Variants in NLRP2 observed in about 807,000 individuals in gnomAD.
NLRP2 encodes the protein NACHT, LRR and PYD domains-containing protein 2.
In NLRP2, 107 loss-of-function variants were observed where a neutral mutation model predicts 97.2. The observed-to-expected ratio is 1.10, with a 90% confidence interval of 0.94 to 1.29. The LOEUF (loss-of-function observed/expected upper bound fraction) is 1.29, where lower values mean the gene tolerates loss of function less well. Ranked by LOEUF, NLRP2 falls within the 50% of genes most tolerant of loss-of-function variation. The pLI, the probability that NLRP2 is intolerant of heterozygous loss-of-function variation, is 0.00. For synonymous variants in NLRP2, 663 were observed against 551.5 expected, an observed-to-expected ratio of 1.20 and a Z score of -2.83; for missense variants, 1,495 against 1,330.3, an observed-to-expected ratio of 1.12 and a Z score of -1.93.
rs564394457 is a variant in NLRP2, at chr19:54,982,587, C to G, written c.889C>G (p.Pro297Ala). 3.7e-6 allele frequency: 6 copies of G among 1,614,168 alleles called. No homozygotes were observed. Among genetic ancestry groups the G allele is most frequent in the Non-Finnish European group, 5.1e-6 (6 of 1,180,034 alleles). The change falls in exon 6 of 13, where the codon CCT (proline) becomes GCT (alanine). Residue 297 changes from proline (P) to alanine (A), a missense_variant. Pro to Ala is a conservative substitution (Grantham distance 27). Coordinates refer to ENST00000448584, the MANE Select transcript of NLRP2 (RefSeq NM_017852.5). The part of the protein sequence containing the change: ...IDGFDELGAA[P>A]GALIEDICGD... The stretch of plus-strand genomic sequence containing the variant: ...CGGCTTTGATGAGCTGGGAGCCGCA[C>G]CTGGGGCGCTGATCGAGGACATCTG...
intron 8 of NLRP2, 32 bp downstream of exon 8, chr19:54,986,347 A>C (rs754451026): frequency 1.0e-5 from 16 of 1,594,852 alleles, no homozygotes; most frequent in Non-Finnish European, 1.4e-5. Flanking sequence ...ATCCTTCATC[A>C]TACAAACATA....
intron 1 of NLRP2, 138 bp from the exon 2 acceptor site, chr19:54,969,861 T>TTGGGAA: frequency 2.4e-6 from 2 of 827,120 alleles, no homozygotes; most frequent in Non-Finnish European, 4.0e-6. Context: ...CTCACTATGT[T>TTGGGAA]GCCCAGGCTG....
intron 7 of NLRP2, among the ~76,000 whole-genome samples, chr19:54,985,677 C>CA (rs113852885): frequency 0.14 from 9,656 of 66,918 alleles, 656 homozygotes; most frequent in African/African-American, 0.17. Context: ...GACTGCGTCT[C>CA]AAAAAAAAAA....
At chr19:54,986,638 T>C (rs1331149696) in intron 8 of NLRP2, among the ~76,000 whole-genome samples, 1 of 151,878 alleles carries the variant, frequency 6.6e-6, no homozygotes, top group Non-Finnish European at 1.5e-5. Context: ...GCAACCTCTG[T>C]CTCCTGGGTT....
intron 12 of NLRP2, among the ~76,000 whole-genome samples, chr19:55,000,054 A>G (rs1288436624): frequency 6.6e-6 from 1 of 152,048 alleles, no homozygotes; most frequent in Non-Finnish European, 1.5e-5. Context: ...ATATTTAAAA[A>G]TAAAAAATAA....
intron 6 of NLRP2, among the ~76,000 whole-genome samples, chr19:54,983,976 G>A (rs1054822956): frequency 4.6e-5 from 7 of 152,114 alleles, no homozygotes; most frequent in Non-Finnish European, 1.0e-4. Context: ...TCAGCCTCCT[G>A]AGTAGCTGGG....
chr19:54,996,160 T>G (rs1481877947), intron 11 of NLRP2, among the ~76,000 whole-genome samples: 1 of 151,872 alleles, frequency 6.6e-6, no homozygotes, highest in East Asian at 1.9e-4. Context: ...TGAGCCAAGA[T>G]GGCGTTACCA....
chr19:54,998,949 G>A (rs1447658577), intron 12 of NLRP2, among the ~76,000 whole-genome samples: 1 of 151,824 alleles, frequency 6.6e-6, no homozygotes, highest in African/African-American at 2.4e-5. Context: ...GGGGTTGGGG[G>A]TAAGGTCACA....
intron 6 of NLRP2, among the ~76,000 whole-genome samples, chr19:54,984,485 C>CTTTTTTTTT (rs36061621): frequency 0.089 from 6,765 of 76,292 alleles, 1,307 homozygotes; most frequent in African/African-American, 0.2. Context: ...TATTCCCAAT[C>CTTTTTTTTT]TTTTTTTTTT....
At position 54,990,523 on chromosome 19, in the gene NLRP2, AG is replaced by A; in HGVS notation, c.2560del (p.Glu854LysfsTer17). ...RLSLENCHLT[E>X]ANCKDLAAVL... ...GTAGGTTGGAAAACTGTCACCTTAC[AG>A]AAGCCAATTGCAAGGACCTTGCTGC... On this transcript the variant is annotated frameshift_variant, in exon 10 of 13. Transcript: ENST00000448584. LOFTEE classifies it high-confidence loss of function. The A allele has an allele frequency of 6.2e-7, 1 of 1,614,208 alleles. No homozygotes were observed. The highest frequency in any genetic ancestry group is 2.2e-5 in the East Asian group (1 of 44,876).
Position 54,982,361 on chromosome 19 carries a change from G to A in NLRP2, c.663G>A (p.Thr221=), listed in dbSNP as rs1304707133. The A allele has an allele frequency of 6.2e-6, 10 of 1,614,086 alleles. No homozygotes were observed. The Middle Eastern group carries it at 8.3e-4, about 133-fold the overall frequency. Residue 221 remains threonine, a synonymous_variant, in exon 6 of 13, where the codon ACG becomes ACA. Coordinates refer to ENST00000448584, the MANE Select transcript of NLRP2 (RefSeq NM_017852.5). ...LYGPAGLGKT[T]LAQKLMLDWA... is the part of the protein sequence containing the mutation. ...GTCCTGCAGGCCTTGGGAAAACCAC[G>A]CTGGCCCAGAAACTAATGCTAGACT...
intron 8 of NLRP2, chr19:54,989,463 A>G (rs1200112665): frequency 1.1e-5 from 2 of 175,624 alleles, no homozygotes; most frequent in Non-Finnish European, 1.2e-5. Flanking sequence ...CAGAGCATAA[A>G]TAACTCCCTT....
intron 2 of NLRP2, among the ~76,000 whole-genome samples, chr19:54,972,016 G>C (rs1478998510): frequency 3.4e-5 from 2 of 59,368 alleles, no homozygotes; most frequent in Non-Finnish European, 7.5e-5. Context: ...TTTTTTTTTT[G>C]TATTCTAAAT....
rs1342271423 is a variant in NLRP2, at chr19:54,985,223, T to G, written c.2201+6T>G. ...TGTCATCTCCAGAGAGTGGTGTAAG[T>G]AGAAACTAATTCATGAACTCAAATC... is the stretch of plus-strand genomic sequence containing the variant. On this transcript the variant is annotated splice_donor_region_variant and intron_variant, in intron 7 of 12. Coordinates refer to ENST00000448584, the MANE Select transcript of NLRP2 (RefSeq NM_017852.5). 6.2e-7 allele frequency: 1 copy of G among 1,612,884 alleles called. No individual in the cohort carries two copies. The highest frequency in any genetic ancestry group is 1.7e-5 in the Admixed American group (1 of 60,008).
In NLRP2 at chr19:54,983,535, CAGG is replaced by C. The variant is rs2146445940; in HGVS notation, c.1846_1848del (p.Glu616del). On this transcript the variant is annotated inframe_deletion, in exon 6 of 13. Transcript: ENST00000448584. ...GCTCCTCGGCTGTCTGTACGAGTCT[CAGG>C]AGGAGGAGCTGGTGAAGGAGGTGAT... The C allele has an allele frequency of 6.2e-7, 1 of 1,614,144 alleles. No individual in the cohort carries two copies. The highest frequency in any genetic ancestry group is 8.5e-7 in the Non-Finnish European group (1 of 1,180,020).
chr19:54,999,648 C>G (rs191136538), intron 12 of NLRP2, among the ~76,000 whole-genome samples: 1 of 135,044 alleles, frequency 7.4e-6, no homozygotes, highest in East Asian at 2.0e-4. Flanking sequence ...TTATGTTTTT[C>G]TCTATCAGAT....
chr19:54,984,485 C>CTTTCTTTTTTTTTTTTTTTT (rs2071911333), intron 6 of NLRP2, among the ~76,000 whole-genome samples: 1 of 76,914 alleles, frequency 1.3e-5, no homozygotes, highest in African/African-American at 7.6e-5. Flanking sequence ...TATTCCCAAT[C>CTTTCTTTTTTTTTTTTTTTT]TTTTTTTTTT....
chr19:54,981,330 G>A (rs1385498480), intron 4 of NLRP2, among the ~76,000 whole-genome samples: 2 of 151,956 alleles, frequency 1.3e-5, no homozygotes, highest in African/African-American at 4.8e-5. Context: ...CACCACGCCT[G>A]GCTAATTTTT....
chr19:54,992,363 C>T (rs2072528918), intron 10 of NLRP2, among the ~76,000 whole-genome samples: 1 of 151,690 alleles, frequency 6.6e-6, no homozygotes, highest in African/African-American at 2.4e-5. Context: ...TGGCTGGAGA[C>T]GATGAGTAGA....
Sources: gnomAD v4.1 joint callset for allele counts (sites outside exome capture counted in the v4.1 genomes callset) on GRCh38, gnomAD v4.1.1 for gene constraint, MANE v1.5 for transcripts, NCBI Gene and HGNC (gene_info 2026-07-23, HGNC 2026-07-21) for gene names.